MDGA2: variants seen among roughly 807,000 people sequenced by gnomAD.
MDGA2 encodes the protein MAM domain containing glycosylphosphatidylinositol anchor 2, also known as MAM domain-containing glycosylphosphatidylinositol anchor protein 2.
A neutral mutation model predicts 117.8 loss-of-function variants in MDGA2; 40 were observed. The ratio of observed to expected loss-of-function variants is 0.34; its 90% CI spans 0.26 to 0.44. The LOEUF is 0.44. MDGA2 is among the 20% of genes least tolerant of loss of function. MDGA2 has a pLI of 1.00. For missense variants in MDGA2, 1,123 were observed against 1,250.6 expected (o/e 0.90, Z 1.54); for synonymous variants, 452 against 439.0 (o/e 1.03, Z -0.37).
intron 1 of MDGA2, among the ~76,000 whole-genome samples, chr14:47,578,315 A>T (rs1027482957): frequency 2.0e-5 from 3 of 152,076 alleles, no homozygotes; most frequent in African/African-American, 7.2e-5. Context: ...GGGGCCTAAA[A>T]CCTAGATGAC....
chr14:47,076,432 A>G (rs1422278684), intron 6 of MDGA2, among the ~76,000 whole-genome samples: 1 of 152,146 alleles, frequency 6.6e-6, no homozygotes, highest in African/African-American at 2.4e-5. Flanking sequence ...CTGAAAGCTC[A>G]GTTAGGCCAA....
intron 3 of MDGA2, among the ~76,000 whole-genome samples, chr14:47,199,713 A>G (rs1885420262): frequency 6.6e-6 from 1 of 152,206 alleles, no homozygotes; most frequent in Non-Finnish European, 1.5e-5. Context: ...ACATAATTGA[A>G]GAACAGGAAA....
At chr14:47,612,420 A>G (rs2138907739) in intron 1 of MDGA2, among the ~76,000 whole-genome samples, 1 of 152,290 alleles carries the variant, frequency 6.6e-6, no homozygotes, top group South Asian at 2.1e-4. Flanking sequence ...CTAATACTTC[A>G]AAATGTTTTT....
At chr14:47,385,339 G>A (rs1468804397) in intron 1 of MDGA2, among the ~76,000 whole-genome samples, 1 of 151,770 alleles carries the variant, frequency 6.6e-6, no homozygotes, top group Non-Finnish European at 1.5e-5. Flanking sequence ...CTTAGGTACA[G>A]TAAAATTATT....
At chr14:47,121,249 G>A (rs940399296) in intron 5 of MDGA2, among the ~76,000 whole-genome samples, 1 of 151,990 alleles carries the variant, frequency 6.6e-6, no homozygotes, top group Non-Finnish European at 1.5e-5. Flanking sequence ...TGATTAGTTT[G>A]CTTGGTCTTC....
intron 2 of MDGA2, among the ~76,000 whole-genome samples, chr14:47,242,707 G>A (rs962856075): frequency 6.6e-6 from 1 of 151,792 alleles, no homozygotes. Context: ...CCTGCAGCCC[G>A]CCATGCCTGA....
intron 15 of MDGA2, among the ~76,000 whole-genome samples, chr14:46,846,240 C>G (rs960624032): frequency 6.6e-6 from 1 of 152,074 alleles, no homozygotes; most frequent in Non-Finnish European, 1.5e-5. Flanking sequence ...TTTATCTGAA[C>G]ATAACTCATA....
At chr14:47,272,567 A>T (rs1888180114) in intron 2 of MDGA2, among the ~76,000 whole-genome samples, 1 of 152,142 alleles carries the variant, frequency 6.6e-6, no homozygotes. Flanking sequence ...CAGGGTTAGA[A>T]GCAATCCCCA....
intron 1 of MDGA2, among the ~76,000 whole-genome samples, chr14:47,397,527 A>C (rs1892040496): frequency 6.6e-6 from 1 of 152,082 alleles, no homozygotes; most frequent in Admixed American, 6.6e-5. Context: ...ACCCCAAAAA[A>C]CTAAGACCTA....
At chr14:47,324,253 A>G (rs112111173) in intron 1 of MDGA2, among the ~76,000 whole-genome samples, 1 of 152,138 alleles carries the variant, frequency 6.6e-6, no homozygotes, top group African/African-American at 2.4e-5. Flanking sequence ...TCAAAAGGAA[A>G]AAAAAAGATC....
chr14:46,933,818 AT>A (rs1884674049), intron 9 of MDGA2, among the ~76,000 whole-genome samples: 1 of 53,100 alleles, frequency 1.9e-5, no homozygotes, highest in African/African-American at 5.3e-5. Flanking sequence ...ATATATATAT[AT>A]ATATATATAT....
intron 1 of MDGA2, among the ~76,000 whole-genome samples, chr14:47,307,167 A>G (rs1315172278): frequency 1.3e-5 from 2 of 152,178 alleles, no homozygotes; most frequent in African/African-American, 4.8e-5. Context: ...TAGTACTTCA[A>G]GGATATGGTG....
At chr14:47,172,836 C>T (rs142849978) in intron 3 of MDGA2, among the ~76,000 whole-genome samples, 2,023 of 152,088 alleles carry the variant, frequency 0.013, 51 homozygotes, top group African/African-American at 0.045. Flanking sequence ...AGGCTTCAGA[C>T]GATCAAACTA....
chr14:46,902,979 C>G (rs1448264220), intron 10 of MDGA2, among the ~76,000 whole-genome samples: 1 of 141,430 alleles, frequency 7.1e-6, no homozygotes, highest in African/African-American at 2.6e-5. Context: ...CTCCCACCGG[C>G]CTACACACTG....
At chr14:47,341,612 A>C (rs760879250) in intron 1 of MDGA2, among the ~76,000 whole-genome samples, 2 of 152,230 alleles carry the variant, frequency 1.3e-5, no homozygotes, top group Non-Finnish European at 2.9e-5. Context: ...ATATTTGACT[A>C]AGACAAATCC....
chr14:47,301,575 C>T (rs1253928114), intron 1 of MDGA2, 25 bp from the exon 2 acceptor site: 1 of 1,551,096 alleles, frequency 6.4e-7, no homozygotes, highest in Admixed American at 2.0e-5. Flanking sequence ...AGAAGAGAGA[C>T]AAGATACATG....
At chr14:47,337,693 G>A (rs1225015924) in intron 1 of MDGA2, among the ~76,000 whole-genome samples, 1 of 151,796 alleles carries the variant, frequency 6.6e-6, no homozygotes, top group Non-Finnish European at 1.5e-5. Context: ...AGAAAATGGG[G>A]GGGATAAGTT....
chr14:47,077,460 TG>T (rs1315543247), intron 6 of MDGA2, among the ~76,000 whole-genome samples: 1 of 152,158 alleles, frequency 6.6e-6, no homozygotes, highest in Non-Finnish European at 1.5e-5. Flanking sequence ...GTTGTTTTCC[TG>T]TTCTTAGTTG....
At chr14:47,445,672 C>T (rs1313293583) in intron 1 of MDGA2, among the ~76,000 whole-genome samples, 1 of 151,890 alleles carries the variant, frequency 6.6e-6, no homozygotes, top group Non-Finnish European at 1.5e-5. Flanking sequence ...ACTCATAAGA[C>T]AAAATAAAAT....
Sources: gnomAD v4.1 joint callset for allele counts (sites outside exome capture counted in the v4.1 genomes callset) on GRCh38, gnomAD v4.1.1 for gene constraint, MANE v1.5 for transcripts, NCBI Gene and HGNC (gene_info 2026-07-23, HGNC 2026-07-21) for gene names.